RGS6: variants seen among roughly 807,000 people sequenced by gnomAD.
The protein encoded by RGS6 is regulator of G protein signaling 6.
In RGS6, 30 loss-of-function variants were observed where a neutral mutation model predicts 78.5. The ratio of observed to expected loss-of-function variants is 0.38; its 90% CI spans 0.29 to 0.52. The LOEUF is 0.52. Ranked by LOEUF, RGS6 falls within the 20% of genes least tolerant of loss-of-function variation. The pLI, the probability that RGS6 is intolerant of heterozygous loss-of-function variation, is 0.85. For synonymous variants in RGS6, 206 were observed against 206.0 expected (o/e 1.00, Z 0.00); for missense variants, 495 against 609.7 (o/e 0.81, Z 1.98).
intron 2 of RGS6, among the ~76,000 whole-genome samples, chr14:72,089,006 C>T (rs950847526): frequency 6.6e-6 from 1 of 152,248 alleles, no homozygotes; most frequent in African/African-American, 2.4e-5. Context: ...AGCCCCACCT[C>T]GAAGGACACT....
chr14:72,470,137 A>G, intron 8 of RGS6, 54 bp downstream of exon 8: 1 of 1,355,012 alleles, frequency 7.4e-7, no homozygotes, highest in Non-Finnish European at 1.1e-6. Context: ...TGGAATTTGG[A>G]AATGGTGTGA....
intron 3 of RGS6, among the ~76,000 whole-genome samples, chr14:72,388,655 A>T (rs1176088935): frequency 6.6e-6 from 1 of 151,936 alleles, no homozygotes; most frequent in Non-Finnish European, 1.5e-5. Flanking sequence ...CTACCTGGCC[A>T]CTCACATGTG....
At chr14:71,989,691 C>T (rs1230475422) in intron 2 of RGS6, among the ~76,000 whole-genome samples, 3 of 152,192 alleles carry the variant, frequency 2.0e-5, no homozygotes, top group Non-Finnish European at 2.9e-5. Flanking sequence ...AATAGAGCTG[C>T]GTCACTCACA....
chr14:72,424,957 A>G (rs1440978767), intron 3 of RGS6, among the ~76,000 whole-genome samples: 1 of 152,216 alleles, frequency 6.6e-6, no homozygotes, highest in Non-Finnish European at 1.5e-5. Flanking sequence ...GCTTCAGAAG[A>G]TGCAACAGTG....
rs565069328 is a variant in RGS6, at chr14:72,561,757, ACT to A, written c.1423-657_1423-656del. Among the ~76,000 whole-genome samples, 69 of 152,288 alleles carry A rather than the reference ACT, an allele frequency of 4.5e-4. 1 individual carries two copies. Among genetic ancestry groups the A allele is most frequent in the Admixed American group, 7.8e-4 (12 of 15,298 alleles). On this transcript the variant is annotated intron_variant, in intron 17 of 17. Coordinates refer to ENST00000553525, the MANE Select transcript of RGS6 (RefSeq NM_001204424.2). ...GGCTTTCCTGGTATGGGGTCATCAA[ACT>A]CTGCCTCTGGGTGCCACAGATGGGA...
Position 72,370,289 on chromosome 14 carries a change from G to A in RGS6, c.184+18095G>A, listed in dbSNP as rs533998946. The stretch of plus-strand genomic sequence containing the variant: ...TGCTGTTTTTGCCCTGGGGACATTT[G>A]GTAATCCAAGAGAGCACCTGTCAGA... On this transcript the variant is annotated intron_variant, in intron 3 of 17. Coordinates refer to ENST00000553525, the MANE Select transcript of RGS6 (RefSeq NM_001204424.2). Among the ~76,000 whole-genome samples, 11 of 152,242 alleles carry A rather than the reference G, an allele frequency of 7.2e-5. No individual in the cohort carries two copies. The South Asian group carries it at 2.1e-3, about 29-fold the overall frequency.
intron 2 of RGS6, among the ~76,000 whole-genome samples, chr14:72,011,589 AAAAAAT>A (rs1360861598): frequency 6.6e-6 from 1 of 152,230 alleles, no homozygotes; most frequent in Non-Finnish European, 1.5e-5. Flanking sequence ...ATATAAAAAA[AAAAAAT>A]AATGCAAATA....
At chr14:72,050,029 C>T (rs910422837) in intron 2 of RGS6, among the ~76,000 whole-genome samples, 11 of 152,030 alleles carry the variant, frequency 7.2e-5, no homozygotes, top group African/African-American at 2.7e-4. Flanking sequence ...TTTGTCTTTA[C>T]TGTCAACAAG....
intron 2 of RGS6, among the ~76,000 whole-genome samples, chr14:72,126,194 AC>A (rs1167403233): frequency 3.3e-5 from 5 of 152,234 alleles, no homozygotes; most frequent in Non-Finnish European, 7.3e-5. Flanking sequence ...AGGAAAGTCC[AC>A]ATTTACTTCA....
At chr14:72,506,398 A>G (rs1250447171) in intron 13 of RGS6, among the ~76,000 whole-genome samples, 1 of 152,232 alleles carries the variant, frequency 6.6e-6, no homozygotes, top group East Asian at 1.9e-4. Flanking sequence ...CAGTTATTGT[A>G]CCACTTACCT....
chr14:72,203,917 C>T (rs895724749), intron 2 of RGS6, among the ~76,000 whole-genome samples: 5 of 149,082 alleles, frequency 3.4e-5, no homozygotes, highest in Non-Finnish European at 5.9e-5. Context: ...CTCCACCTCT[C>T]GAGTTCAAGA....
chr14:72,341,055 A>G (rs1169528180), intron 2 of RGS6, among the ~76,000 whole-genome samples: 3 of 152,140 alleles, frequency 2.0e-5, no homozygotes, highest in African/African-American at 7.2e-5. Context: ...AATATAGAAC[A>G]TGGGTATTAG....
At chr14:72,549,432 C>T (rs1418499742) in intron 17 of RGS6, among the ~76,000 whole-genome samples, 1 of 152,126 alleles carries the variant, frequency 6.6e-6, no homozygotes, top group Non-Finnish European at 1.5e-5. Context: ...CGTCCTGGCC[C>T]AAGGTTGAAG....
intron 3 of RGS6, among the ~76,000 whole-genome samples, chr14:72,448,570 A>G (rs2095422049): frequency 6.6e-6 from 1 of 152,210 alleles, no homozygotes; most frequent in Non-Finnish European, 1.5e-5. Flanking sequence ...CATTTGCAAA[A>G]TGGAGATAAT....
the RGS6 span, among the ~76,000 whole-genome samples, chr14:71,920,682 A>G: frequency 6.6e-6 from 1 of 152,262 alleles, no homozygotes; most frequent in South Asian, 2.1e-4. Flanking sequence ...CCTAAGAATA[A>G]TAAGTATGTC....
intron 2 of RGS6, among the ~76,000 whole-genome samples, chr14:72,316,031 C>T (rs1180328489): frequency 2.6e-5 from 4 of 152,188 alleles, no homozygotes; most frequent in South Asian, 2.1e-4. Context: ...CCCTGGGGAA[C>T]ATTTCTCTCT....
chr14:72,498,244 T>C (rs1034391317), intron 13 of RGS6, among the ~76,000 whole-genome samples: 7 of 152,248 alleles, frequency 4.6e-5, no homozygotes, highest in Non-Finnish European at 4.4e-5. Flanking sequence ...TTTCATAGTT[T>C]ATATTTTTTC....
chr14:72,112,852 T>G (rs2095799314), intron 2 of RGS6, among the ~76,000 whole-genome samples: 1 of 152,196 alleles, frequency 6.6e-6, no homozygotes, highest in Non-Finnish European at 1.5e-5. Flanking sequence ...TTATCTAGGC[T>G]CAGATCCTGG....
chr14:72,351,416 C>T (rs1044138563), intron 2 of RGS6, among the ~76,000 whole-genome samples: 1 of 152,138 alleles, frequency 6.6e-6, no homozygotes, highest in South Asian at 2.1e-4. Context: ...TGTCAACAGT[C>T]CACTATGATC....
Sources: allele counts gnomAD v4.1 joint callset (sites outside exome capture counted in the v4.1 genomes callset), GRCh38; gene constraint gnomAD v4.1.1; transcripts MANE v1.5; gene names NCBI Gene and HGNC (gene_info 2026-07-23, HGNC 2026-07-21).